Variants in IFT57 observed in about 807,000 individuals in gnomAD.
The protein encoded by IFT57 is intraflagellar transport protein 57 homolog.
In IFT57, 59 loss-of-function variants were observed where a neutral mutation model predicts 56.8. The ratio of observed to expected loss-of-function variants is 1.04; its 90% CI spans 0.84 to 1.29. IFT57 has a LOEUF of 1.29. Among genes scored for constraint, IFT57 ranks in the 50% most tolerant of loss-of-function variants. The probability of loss-of-function intolerance (pLI) is 0.00; values close to 1 mark genes in which losing one functional copy is unlikely to be tolerated. For synonymous variants in IFT57, 209 were observed against 186.1 expected (o/e 1.12, Z -1.00); for missense variants, 470 against 522.1 (o/e 0.90, Z 0.97).
At chr3:108,195,575 T>C (rs542813044) in intron 5 of IFT57, among the ~76,000 whole-genome samples, 1 of 152,272 alleles carries the variant, frequency 6.6e-6, no homozygotes, top group South Asian at 2.1e-4. Context: ...AACCTAAGTG[T>C]TGATCAAGGG....
intron 1 of IFT57, among the ~76,000 whole-genome samples, chr3:108,220,293 A>G (rs2080398350): frequency 6.6e-6 from 1 of 152,230 alleles, no homozygotes; most frequent in African/African-American, 2.4e-5. Flanking sequence ...TTTATACCTA[A>G]ACATTATAGG....
chr3:108,212,989 A>G (rs2080351143), intron 4 of IFT57, among the ~76,000 whole-genome samples: 1 of 152,106 alleles, frequency 6.6e-6, no homozygotes, highest in South Asian at 2.1e-4. Context: ...AGGCTACTCA[A>G]TATGAAGACA....
rs529101351 is a variant in IFT57 at position 108,162,436 on chromosome 3, TA to T, written c.*40del. 14 of 1,510,330 alleles carry T rather than the reference TA, an allele frequency of 9.3e-6. No individual in the cohort carries two copies. Among genetic ancestry groups the T allele is most frequent in the Non-Finnish European group, 1.2e-5 (13 of 1,116,094 alleles). The allele number at this position is 1,510,330 out of a possible 1,614,324, so 93.6% of individuals were successfully genotyped here. On this transcript the variant is annotated 3_prime_UTR_variant, in exon 11 of 11. Coordinates refer to ENST00000264538, the MANE Select transcript of IFT57 (RefSeq NM_018010.4). ...ATGCAACATGAAATATAGTTTGATA[TA>T]AAAAACCCAACTAATCAGAAACATG... is the stretch of plus-strand genomic sequence containing the variant.
intron 3 of IFT57, among the ~76,000 whole-genome samples, chr3:108,215,383 GA>G (rs2080366133): frequency 6.6e-6 from 1 of 152,000 alleles, no homozygotes; most frequent in Non-Finnish European, 1.5e-5. Flanking sequence ...GCAACATGGT[GA>G]AACCCTGTCT....
chr3:108,174,170 G>A (rs1320986291), intron 6 of IFT57, among the ~76,000 whole-genome samples: 6 of 151,462 alleles, frequency 4.0e-5, no homozygotes, highest in Non-Finnish European at 5.9e-5. Flanking sequence ...AAACCTTCTA[G>A]ATGCCCAAGA....
chr3:108,189,096 A>AT (rs2080200876), intron 6 of IFT57, among the ~76,000 whole-genome samples: 1 of 152,222 alleles, frequency 6.6e-6, no homozygotes, highest in Non-Finnish European at 1.5e-5. Flanking sequence ...CAGAAATCAC[A>AT]TTTTTGCAAA....
chr3:108,220,937 A>C (rs1034496), intron 1 of IFT57, among the ~76,000 whole-genome samples: 13,925 of 152,274 alleles, frequency 0.091, 700 homozygotes, highest in Middle Eastern at 0.12. Flanking sequence ...AACCTTAAGG[A>C]CATTTTGTTT....
chr3:108,173,870 C>CA lies in IFT57; in HGVS notation c.778-6007dup, dbSNP rs200581275. The stretch of plus-strand genomic sequence containing the variant: ...CATTAAAATGTTAAATTCATGTTCT[C>CA]AAAAAATATTTAATGAACAGCAAAC... On this transcript the variant is annotated intron_variant, in intron 6 of 10. Coordinates refer to ENST00000264538, the MANE Select transcript of IFT57 (RefSeq NM_018010.4). Among the ~76,000 whole-genome samples, 332 of 143,874 alleles carry CA rather than the reference C, an allele frequency of 2.3e-3. 6 individuals carry two copies. In the East Asian group the frequency reaches 0.055, roughly 24 times the overall value. The allele number at this position is 143,874 out of a possible 152,430, so 94.4% of individuals were successfully genotyped here.
intron 8 of IFT57, among the ~76,000 whole-genome samples, chr3:108,166,011 C>T (rs2080060565): frequency 6.6e-6 from 1 of 151,954 alleles, no homozygotes; most frequent in South Asian, 2.1e-4. Flanking sequence ...AGTTTTACAT[C>T]ATTTTGATAG....
At chr3:108,216,139 C>A (rs1410804820) in intron 3 of IFT57, among the ~76,000 whole-genome samples, 1 of 152,082 alleles carries the variant, frequency 6.6e-6, no homozygotes, top group Non-Finnish European at 1.5e-5. Flanking sequence ...AATGCGATTA[C>A]ATCAAACTTA....
chr3:108,189,153 T>C (rs9836408), intron 6 of IFT57, among the ~76,000 whole-genome samples: 14,647 of 152,266 alleles, frequency 0.096, 769 homozygotes, highest in Middle Eastern at 0.12. Context: ...AAGAAATTCT[T>C]ATTAATATAT....
At chr3:108,192,382 T>A (rs1289731) in intron 5 of IFT57, among the ~76,000 whole-genome samples, 152,017 of 152,192 alleles carry the variant, frequency 1, 75,921 homozygotes, top group Non-Finnish European at 1. Flanking sequence ...TTGAACTCAA[T>A]TAGGGAGGGG....
intron 6 of IFT57, among the ~76,000 whole-genome samples, chr3:108,189,811 A>G (rs1316035190): frequency 2.0e-5 from 3 of 152,250 alleles, no homozygotes; most frequent in Non-Finnish European, 4.4e-5. Flanking sequence ...AATGATACTG[A>G]TAATATAAAC....
At chr3:108,178,990 A>C (rs146098234) in intron 6 of IFT57, among the ~76,000 whole-genome samples, 16 of 151,974 alleles carry the variant, frequency 1.1e-4, no homozygotes, top group Non-Finnish European at 2.2e-4. Context: ...TTTTCATAGC[A>C]GCATTATGCA....
At chr3:108,171,237 C>A (rs895977887) in intron 6 of IFT57, among the ~76,000 whole-genome samples, 2 of 151,820 alleles carry the variant, frequency 1.3e-5, no homozygotes, top group African/African-American at 4.8e-5. Context: ...TCCAGTCTCA[C>A]CCTTGTCATT....
chr3:108,222,372 G>T lies in IFT57; in HGVS notation c.-50C>A, dbSNP rs1464386725. On this transcript the variant is annotated 5_prime_UTR_variant, in exon 1 of 11. Transcript: ENST00000264538. ...GGGCTCAGGCCCACAGACCTCTGCG[G>T]CCTAAGCCGCCAGCCCTGCCGCCGC... 1.5e-5 allele frequency: 23 copies of T among 1,516,152 alleles called. No homozygotes were observed. Among genetic ancestry groups the T allele is most frequent in the Non-Finnish European group, 1.9e-5 (21 of 1,133,256 alleles). 93.9% of individuals were successfully genotyped at this position (1,516,152 alleles called of 1,614,324 possible).
rs553320013 is a variant in IFT57 at position 108,219,767 on chromosome 3, A to G, written c.213-195T>C. Among the ~76,000 whole-genome samples the G allele has an allele frequency of 5.3e-5, 8 of 152,310 alleles. No individual in the cohort carries two copies. The East Asian group carries it at 1.5e-3, about 29-fold the overall frequency. The stretch of plus-strand genomic sequence containing the variant: ...ACATTGAAGTTTTTAAATCAGCAGG[A>G]TTAGGGCAATTACTACTGTACCCAA... On this transcript the variant is annotated intron_variant, in intron 1 of 10. Transcript: ENST00000264538.
chr3:108,203,006 C>T (rs1395947520), intron 5 of IFT57, among the ~76,000 whole-genome samples: 1 of 152,214 alleles, frequency 6.6e-6, no homozygotes, highest in Non-Finnish European at 1.5e-5. Context: ...TTCAACTATG[C>T]TGTGGTAATT....
Position 108,219,408 on chromosome 3 carries a change from A to G in IFT57, c.375+2T>C. ...GGAAAAAGAAGGGTCGTTTACACTT[A>G]CAAATGACCGAAGCTCGGATAGTAT... On this transcript the variant is annotated splice_donor_variant, in intron 2 of 10. Coordinates refer to ENST00000264538, the MANE Select transcript of IFT57 (RefSeq NM_018010.4). LOFTEE classifies it high-confidence loss of function. 6.2e-7 allele frequency: 1 copy of G among 1,611,700 alleles called. No homozygotes were observed. Among genetic ancestry groups the G allele is most frequent in the Non-Finnish European group, 8.5e-7 (1 of 1,177,816 alleles).
Sources: allele counts gnomAD v4.1 joint callset (sites outside exome capture counted in the v4.1 genomes callset), GRCh38; gene constraint gnomAD v4.1.1; transcripts MANE v1.5; gene names NCBI Gene and HGNC (gene_info 2026-07-23, HGNC 2026-07-21).